The following TMEM181 variants were observed in gnomAD, a reference collection of about 807,000 sequenced individuals.
The protein encoded by TMEM181 is transmembrane protein 181, also known as G protein-coupled receptor 178.
TMEM181 carries 39 observed loss-of-function variants against 71.9 expected under a neutral mutation model. The ratio of observed to expected loss-of-function variants is 0.54; its 90% CI spans 0.42 to 0.71. The LOEUF is 0.71. Among genes scored for constraint, TMEM181 ranks in the 30% least tolerant of loss-of-function variants. The probability of loss-of-function intolerance (pLI) is 0.00; values close to 1 mark genes in which losing one functional copy is unlikely to be tolerated. For missense variants in TMEM181, 595 were observed against 583.0 expected (o/e 1.02, Z -0.21); for synonymous variants, 245 against 228.8 (o/e 1.07, Z -0.64).
At chr6:158,567,914 G>A (rs1223506651) in intron 1 of TMEM181, among the ~76,000 whole-genome samples, 1 of 152,182 alleles carries the variant, frequency 6.6e-6, no homozygotes, top group African/African-American at 2.4e-5. Flanking sequence ...CGGGGACTTT[G>A]AAAGGCCTGT....
At chr6:158,587,923 A>G (rs1195182045) in intron 5 of TMEM181, among the ~76,000 whole-genome samples, 5 of 152,182 alleles carry the variant, frequency 3.3e-5, no homozygotes, top group African/African-American at 4.8e-5. Context: ...CCCAGCAAAA[A>G]TGTATTTACA....
intron 6 of TMEM181, among the ~76,000 whole-genome samples, chr6:158,594,357 C>T (rs376957066): frequency 2.0e-5 from 3 of 151,978 alleles, no homozygotes; most frequent in African/African-American, 4.8e-5. Context: ...CCTCGGCCTC[C>T]GAAAGTGCTG....
In TMEM181 at chr6:158,560,180, G is replaced by A. The variant is rs1782074305; in HGVS notation, c.-45G>A. On this transcript the variant is annotated 5_prime_UTR_variant, in exon 1 of 17. Transcript: ENST00000684151. Reference sequence around the variant, plus strand: ...CCGAGGCTGCTGCGCGGCGCCTGGCGGGCTCGGGACGCGCGGGCCGGGGCC... The same window carrying A: ...CCGAGGCTGCTGCGCGGCGCCTGGCAGGCTCGGGACGCGCGGGCCGGGGCC... 1.0e-6 allele frequency: 1 copy of A among 984,856 alleles called. No homozygotes were observed. The allele number at this position is 984,856 out of a possible 1,614,324, so 61.0% of individuals were successfully genotyped here.
At chr6:158,568,641 A>G (rs920502992) in intron 1 of TMEM181, among the ~76,000 whole-genome samples, 4 of 152,210 alleles carry the variant, frequency 2.6e-5, no homozygotes, top group African/African-American at 9.7e-5. Flanking sequence ...TCTCTTGGTC[A>G]CTGAGACTTA....
At position 158,547,887 on chromosome 6, in the gene TMEM181, C is replaced by CA. The variant is rs34148643; in HGVS notation, c.131+11048dup. On this transcript the variant is annotated intron_variant, in intron 1 of 16. Coordinates refer to the TMEM181 transcript ENST00000367090. ...GGGCAACAAGAGCAAAACTCTGTCT[C>CA]AAAAAAAAAAAAAAAAAAAAAAAAA... is the stretch of plus-strand genomic sequence containing the variant. Among the ~76,000 whole-genome samples, 493 of 56,990 alleles carry CA rather than the reference C, an allele frequency of 8.7e-3. 13 individuals are homozygous for CA. The highest frequency in any genetic ancestry group is 0.022 in the East Asian group (43 of 1,946). 37.4% of individuals were successfully genotyped at this position (56,990 alleles called of 152,430 possible).
At chr6:158,609,756 G>T (rs1177746842) in intron 10 of TMEM181, 1 of 258,760 alleles carries the variant, frequency 3.9e-6, no homozygotes, top group South Asian at 5.6e-5. Flanking sequence ...GCCAGGGTGT[G>T]GGAGACTAGA....
At chr6:158,536,961 C>CCG in intron 1 of TMEM181, 2 of 953,882 alleles carry the variant, frequency 2.1e-6, no homozygotes, top group Non-Finnish European at 2.6e-6. Flanking sequence ...CCTGGTCCCG[C>CCG]CGACGGCCGC....
chr6:158,627,333 T>C (rs1197501379), intron 13 of TMEM181, among the ~76,000 whole-genome samples: 1 of 152,250 alleles, frequency 6.6e-6, no homozygotes, highest in Non-Finnish European at 1.5e-5. Context: ...GACTCATTTA[T>C]CCTACAAATA....
chr6:158,634,159 AAAAGTTAG>A lies in TMEM181; in HGVS notation c.*2277_*2284del, dbSNP rs1441087174. ...TTGTAACTAAGTGGGAAATAAGAAA[AAAAGTTAG>A]AAAGTACTTAAGGGGAAAATCGTTC... On this transcript the variant is annotated 3_prime_UTR_variant, in exon 17 of 17. Coordinates refer to ENST00000684151, the MANE Select transcript of TMEM181 (RefSeq NM_001376852.1). The A allele has an allele frequency of 6.8e-6, 1 of 146,816 alleles. No individual in the cohort carries two copies. The allele number at this position is 146,816 out of a possible 1,614,324, so 9.1% of individuals were successfully genotyped here. A position where few individuals can be genotyped will look rare whatever the true frequency, so the allele number is the denominator to read the frequency against.
chr6:158,588,234 C>A (rs1213397204), intron 5 of TMEM181, among the ~76,000 whole-genome samples: 1 of 152,222 alleles, frequency 6.6e-6, no homozygotes, highest in Non-Finnish European at 1.5e-5. Context: ...GGCAGCCCCT[C>A]CCTGCGGAGC....
At chr6:158,624,537 A>G (rs1380643228) in intron 11 of TMEM181, among the ~76,000 whole-genome samples, 1 of 152,214 alleles carries the variant, frequency 6.6e-6, no homozygotes, top group African/African-American at 2.4e-5. Flanking sequence ...TGCCCTCCCC[A>G]TCACAGCTCC....
chr6:158,571,072 C>G (rs1235970757), intron 1 of TMEM181, among the ~76,000 whole-genome samples: 9 of 150,476 alleles, frequency 6.0e-5, no homozygotes, highest in Admixed American at 4.6e-4. Flanking sequence ...GCCACCACAC[C>G]CAGCTAATTT....
chr6:158,604,849 A>G (rs1183164143), intron 6 of TMEM181, among the ~76,000 whole-genome samples: 1 of 152,200 alleles, frequency 6.6e-6, no homozygotes, highest in Non-Finnish European at 1.5e-5. Context: ...ATGTAACAAC[A>G]TTTGAAATTA....
At chr6:158,625,299 C>T in intron 12 of TMEM181, 93 bp downstream of exon 12, 8 of 1,101,148 alleles carry the variant, frequency 7.3e-6, no homozygotes, top group Non-Finnish European at 6.9e-6. Context: ...CAGGGGCCTT[C>T]CTTGAGGGCC....
At position 158,632,311 on chromosome 6, in the gene TMEM181, G is replaced by C. The variant is rs3734472; in HGVS notation, c.*423G>C. Reference sequence around the variant, plus strand: ...CTTCCCTTTTCCATGGTACTGTTTTGTGACCCTTTAAACTCAAAGGGAAGC... The same window carrying C: ...CTTCCCTTTTCCATGGTACTGTTTTCTGACCCTTTAAACTCAAAGGGAAGC... On this transcript the variant is annotated 3_prime_UTR_variant, in exon 17 of 17. Coordinates refer to ENST00000684151, the MANE Select transcript of TMEM181 (RefSeq NM_001376852.1). 24,733 of 195,426 alleles carry C rather than the reference G, an allele frequency of 0.13. 1,835 individuals are homozygous for C. Among genetic ancestry groups the C allele is most frequent in the Middle Eastern group, 0.19 (78 of 404 alleles). 12.1% of individuals were successfully genotyped at this position (195,426 alleles called of 1,614,324 possible).
At chr6:158,547,709 C>T (rs976797625) in intron 1 of TMEM181, among the ~76,000 whole-genome samples, 8 of 151,834 alleles carry the variant, frequency 5.3e-5, no homozygotes, top group Non-Finnish European at 1.0e-4. Flanking sequence ...AGTTGACAGG[C>T]CCCCCAGGCC....
intron 6 of TMEM181, among the ~76,000 whole-genome samples, chr6:158,600,882 G>GT (rs1784630804): frequency 1.3e-5 from 2 of 152,294 alleles, no homozygotes; most frequent in South Asian, 2.1e-4. Context: ...TTTCTTAAGA[G>GT]TTACGGTTCC....
At chr6:158,624,790 C>T (rs1479317919) in intron 11 of TMEM181, among the ~76,000 whole-genome samples, 1 of 152,184 alleles carries the variant, frequency 6.6e-6, no homozygotes, top group Non-Finnish European at 1.5e-5. Context: ...CCCCCAGGGG[C>T]GAGAGAGACA....
At chr6:158,617,569 T>G (rs1489225049) in intron 10 of TMEM181, among the ~76,000 whole-genome samples, 11 of 152,326 alleles carry the variant, frequency 7.2e-5, no homozygotes, top group African/African-American at 2.6e-4. Context: ...ATGGTGATGT[T>G]AGGGTGTCAA....
Sources: gnomAD v4.1 joint callset for allele counts (sites outside exome capture counted in the v4.1 genomes callset) on GRCh38, gnomAD v4.1.1 for gene constraint, MANE v1.5 for transcripts, NCBI Gene and HGNC (gene_info 2026-07-23, HGNC 2026-07-21) for gene names.